CNTNAP5: variants seen among roughly 807,000 people sequenced by gnomAD.
CNTNAP5 encodes the protein contactin-associated protein-like 5.
A neutral mutation model predicts 150.2 loss-of-function variants in CNTNAP5; 72 were observed. The ratio of observed to expected loss-of-function variants is 0.48; its 90% CI spans 0.40 to 0.58. CNTNAP5 has a LOEUF of 0.58. Among genes scored for constraint, CNTNAP5 ranks in the 20% least tolerant of loss-of-function variants. CNTNAP5 has a pLI of 0.00. For missense variants in CNTNAP5, 1,636 were observed against 1,626.2 expected (o/e 1.01, Z -0.10); for synonymous variants, 672 against 619.8 (o/e 1.08, Z -1.25).
chr2:124,194,361 T>G (rs1685528269), intron 1 of CNTNAP5, among the ~76,000 whole-genome samples: 2 of 109,836 alleles, frequency 1.8e-5, no homozygotes, highest in Non-Finnish European at 3.7e-5. Flanking sequence ...AGGTATAAAT[T>G]AGGTCATATA....
rs180691409 is a variant in CNTNAP5 at position 124,638,912 on chromosome 2, G to A, written c.1877-8846G>A. Among the ~76,000 whole-genome samples, 417 of 152,140 alleles carry A rather than the reference G, an allele frequency of 2.7e-3. 1 individual carries two copies. Among genetic ancestry groups the A allele is most frequent in the Middle Eastern group, 3.4e-3 (1 of 294 alleles). ...TGTGTCAGTTAACAATGCTTTATTCGATCAGACACCTATGGATGTGTATTT... is the reference window on the plus strand; with the variant it reads ...TGTGTCAGTTAACAATGCTTTATTCAATCAGACACCTATGGATGTGTATTT... On this transcript the variant is annotated intron_variant, in intron 12 of 23. Transcript: ENST00000682447.
intron 12 of CNTNAP5, among the ~76,000 whole-genome samples, chr2:124,629,951 A>AAAAAAAAAAAAAAAAAAAAAC (rs1422707257): frequency 6.7e-6 from 1 of 148,794 alleles, no homozygotes. Flanking sequence ...AAAAAAAAAA[A>AAAAAAAAAAAAAAAAAAAAAC]AAAACTGGAA....
At chr2:124,142,883 T>G (rs1454974276) in intron 1 of CNTNAP5, among the ~76,000 whole-genome samples, 7 of 150,326 alleles carry the variant, frequency 4.7e-5, no homozygotes, top group African/African-American at 1.7e-4. Flanking sequence ...ACAAAATTGA[T>G]AGACCGCTAG....
At chr2:124,788,442 CA>C (rs1681644625) in intron 17 of CNTNAP5, among the ~76,000 whole-genome samples, 2 of 152,002 alleles carry the variant, frequency 1.3e-5, no homozygotes, top group Non-Finnish European at 2.9e-5. Flanking sequence ...ATAATAAGCT[CA>C]TTATTAATCA....
At chr2:124,178,906 T>TGTTA (rs1685133930) in intron 1 of CNTNAP5, among the ~76,000 whole-genome samples, 1 of 136,114 alleles carries the variant, frequency 7.3e-6, no homozygotes, top group Admixed American at 8.3e-5. Context: ...GATTTTTATT[T>TGTTA]GTTATTTATT....
intron 3 of CNTNAP5, among the ~76,000 whole-genome samples, chr2:124,385,707 G>A (rs1195860844): frequency 6.6e-6 from 1 of 152,142 alleles, no homozygotes; most frequent in Non-Finnish European, 1.5e-5. Context: ...AGCCTCTTAA[G>A]TGCTGCAATA....
At chr2:124,523,989 C>G (rs1694907878) in intron 8 of CNTNAP5, among the ~76,000 whole-genome samples, 2 of 150,880 alleles carry the variant, frequency 1.3e-5, no homozygotes, top group South Asian at 2.1e-4. Context: ...TGCGTTTATA[C>G]AACAATAGAT....
Position 124,691,267 on chromosome 2 carries a change from A to G in CNTNAP5, c.2077+43309A>G, listed in dbSNP as rs546891494. ...TAGGGGTTTTATGACCTATAATCATACAAGGTAGGTCAGATCATTTCTTTA... is the reference window on the plus strand; with the variant it reads ...TAGGGGTTTTATGACCTATAATCATGCAAGGTAGGTCAGATCATTTCTTTA... On this transcript the variant is annotated intron_variant, in intron 13 of 23. Transcript: ENST00000682447. Among the ~76,000 whole-genome samples the G allele has an allele frequency of 2.3e-4, 35 of 152,268 alleles. 1 individual carries two copies. The highest frequency in any genetic ancestry group is 6.8e-3 in the Middle Eastern group (2 of 294).
chr2:124,570,205 G>A (rs1401525423), intron 11 of CNTNAP5, among the ~76,000 whole-genome samples: 3 of 152,134 alleles, frequency 2.0e-5, no homozygotes, highest in East Asian at 1.9e-4. Flanking sequence ...AATTTATGAG[G>A]CATGTGCACA....
At chr2:124,605,257 T>C (rs1697075407) in intron 11 of CNTNAP5, among the ~76,000 whole-genome samples, 1 of 152,162 alleles carries the variant, frequency 6.6e-6, no homozygotes. Context: ...GGCTTAGTCA[T>C]GACTTAAAGT....
chr2:124,769,045 G>A (rs1408333647), intron 16 of CNTNAP5, among the ~76,000 whole-genome samples: 3 of 151,964 alleles, frequency 2.0e-5, no homozygotes, highest in African/African-American at 4.8e-5. Flanking sequence ...TCCATAAATC[G>A]ACCCTGAAAT....
At chr2:124,379,636 T>C (rs1160433510) in intron 3 of CNTNAP5, among the ~76,000 whole-genome samples, 3 of 152,156 alleles carry the variant, frequency 2.0e-5, no homozygotes, top group Non-Finnish European at 4.4e-5. Context: ...GTTTTTTGTG[T>C]GGACATGAGT....
intron 10 of CNTNAP5, among the ~76,000 whole-genome samples, chr2:124,550,347 A>C (rs1695599696): frequency 6.6e-6 from 1 of 152,180 alleles, no homozygotes; most frequent in African/African-American, 2.4e-5. Context: ...CAGTTTTCTC[A>C]TTCCCATAAG....
chr2:124,784,145 A>G (rs1681514201), intron 17 of CNTNAP5, among the ~76,000 whole-genome samples: 1 of 152,208 alleles, frequency 6.6e-6, no homozygotes, highest in South Asian at 2.1e-4. Flanking sequence ...GCATAAAAAT[A>G]AAGTAAGGCA....
intron 21 of CNTNAP5, among the ~76,000 whole-genome samples, chr2:124,898,893 C>T (rs765794272): frequency 2.6e-5 from 4 of 151,174 alleles, no homozygotes; most frequent in Admixed American, 2.0e-4. Flanking sequence ...TTCATTATGG[C>T]GATATGTTAG....
chr2:124,202,085 C>T (rs1685740872), intron 1 of CNTNAP5, among the ~76,000 whole-genome samples: 1 of 151,998 alleles, frequency 6.6e-6, no homozygotes, highest in Non-Finnish European at 1.5e-5. Flanking sequence ...CAGTCTGATG[C>T]TAATTTAAAT....
At chr2:124,122,314 G>A (rs1683582702) in intron 1 of CNTNAP5, among the ~76,000 whole-genome samples, 1 of 152,148 alleles carries the variant, frequency 6.6e-6, no homozygotes, top group Admixed American at 6.5e-5. Context: ...AGGCTGTCAG[G>A]CACAGATATA....
intron 3 of CNTNAP5, among the ~76,000 whole-genome samples, chr2:124,281,957 A>G (rs1688024781): frequency 6.6e-6 from 1 of 152,092 alleles, no homozygotes; most frequent in Admixed American, 6.6e-5. Flanking sequence ...CAGGCACGTT[A>G]CATCTTCACT....
intron 13 of CNTNAP5, among the ~76,000 whole-genome samples, chr2:124,668,516 G>T (rs1343203816): frequency 6.6e-6 from 1 of 152,120 alleles, no homozygotes. Flanking sequence ...ACCAAGCCTT[G>T]CCAAGCTCCA....
Sources: allele counts gnomAD v4.1 joint callset (sites outside exome capture counted in the v4.1 genomes callset), GRCh38; gene constraint gnomAD v4.1.1; transcripts MANE v1.5; gene names NCBI Gene and HGNC (gene_info 2026-07-23, HGNC 2026-07-21).